Variants in EXOSC7 observed in about 807,000 individuals in gnomAD.
EXOSC7 encodes the protein exosome component 7.
In EXOSC7, 25 loss-of-function variants were observed where a neutral mutation model predicts 34.3. That is an observed-to-expected ratio of 0.73 (90% CI 0.53 to 1.02). The LOEUF (loss-of-function observed/expected upper bound fraction) is 1.02, where lower values mean the gene tolerates loss of function less well. Among genes scored for constraint, EXOSC7 ranks in the 50% least tolerant of loss-of-function variants. The pLI, the probability that EXOSC7 is intolerant of heterozygous loss-of-function variation, is 0.00. For missense variants in EXOSC7, 370 were observed against 368.5 expected (o/e 1.00, Z -0.03); for synonymous variants, 130 against 143.0 (o/e 0.91, Z 0.65).
downstream of EXOSC7, chr3:45,012,296 G>A (rs867655671): frequency 1.8e-4 from 27 of 152,192 alleles, no homozygotes; most frequent in African/African-American, 5.8e-4. Context: ...ATGGGGTAAG[G>A]CGTTAGGAAT....
At chr3:44,976,810 A>G (rs1706055424) in intron 1 of EXOSC7, among the ~76,000 whole-genome samples, 1 of 152,212 alleles carries the variant, frequency 6.6e-6, no homozygotes, top group African/African-American at 2.4e-5. Context: ...GTTTTTAAAA[A>G]GCGGCTAGGA....
At chr3:44,980,774 G>A (rs1017936781) in intron 1 of EXOSC7, among the ~76,000 whole-genome samples, 2 of 152,140 alleles carry the variant, frequency 1.3e-5, no homozygotes, top group South Asian at 2.1e-4. Context: ...AATAGTATAT[G>A]GCATATACTG....
intron 1 of EXOSC7, among the ~76,000 whole-genome samples, chr3:44,979,588 G>GTT (rs529893438): frequency 4.1e-5 from 6 of 146,082 alleles, no homozygotes; most frequent in Admixed American, 6.8e-5. Flanking sequence ...ATCTCTGCTG[G>GTT]TTTTTTTTTT....
rs1200341246 is a variant in EXOSC7, at chr3:45,005,377, G to C, written c.578G>C (p.Ser193Thr). Residue 193 changes from serine to threonine, a missense_variant, in exon 6 of 8, where the codon AGT becomes ACT. By Grantham distance (58) the Ser-to-Thr change is moderately conservative. Around this residue, in one of 3 missense-constraint regions of EXOSC7, gnomAD observed 255 missense variants for 246.4 expected, o/e 1.03. Coordinates refer to ENST00000265564, the MANE Select transcript of EXOSC7 (RefSeq NM_015004.4). ...GACCCTTATGACTGCATACGACTAA[G>C]TGTGGAGAATGTCCCCTGCATTGTC... ...SDDPYDCIRL[S>T]VENVPCIVTL... is the part of the protein sequence containing the mutation. The C allele has an allele frequency of 6.2e-7, 1 of 1,614,182 alleles. No homozygotes were observed. Among genetic ancestry groups the C allele is most frequent in the East Asian group, 2.2e-5 (1 of 44,886 alleles).
intron 4 of EXOSC7, among the ~76,000 whole-genome samples, chr3:44,998,786 A>T (rs1187185615): frequency 6.6e-6 from 1 of 152,166 alleles, no homozygotes; most frequent in Non-Finnish European, 1.5e-5. Context: ...GATAAGTGGG[A>T]TGTACCTTGT....
At chr3:45,009,795 C>G (rs1163127794) in intron 7 of EXOSC7, among the ~76,000 whole-genome samples, 1 of 152,156 alleles carries the variant, frequency 6.6e-6, no homozygotes, top group East Asian at 1.9e-4. Context: ...ATCTGCCTGC[C>G]TCAGCCTCCC....
chr3:45,011,299 G>C lies in EXOSC7; in HGVS notation c.836G>C (p.Ser279Thr), dbSNP rs757197931. 4.3e-6 allele frequency: 7 copies of C among 1,613,302 alleles called. No homozygotes were observed. Among genetic ancestry groups the C allele is most frequent in the Non-Finnish European group, 5.9e-6 (7 of 1,179,740 alleles). ...SLQSVVHKEE[S>T]LGPKRQKVGF... ...CAGAGTGTTGTGCACAAGGAAGAAA[G>C]CCTGGGGCCCAAGAGACAGAAAGTT... Residue 279 changes from serine (S) to threonine (T), a missense_variant, in exon 8 of 8, where the codon AGC becomes ACC. Ser to Thr is a moderately conservative substitution (Grantham distance 58). Around this residue, in one of 3 missense-constraint regions of EXOSC7, gnomAD observed 255 missense variants for 246.4 expected, o/e 1.03. Coordinates refer to ENST00000265564, the MANE Select transcript of EXOSC7 (RefSeq NM_015004.4).
At chr3:44,986,563 G>A (rs917927512) in intron 1 of EXOSC7, among the ~76,000 whole-genome samples, 2 of 152,232 alleles carry the variant, frequency 1.3e-5, no homozygotes, top group Non-Finnish European at 1.5e-5. Flanking sequence ...GCGGCGGGCT[G>A]AAGGGCTCCT....
At chr3:44,991,135 C>T (rs946452605) in intron 3 of EXOSC7, among the ~76,000 whole-genome samples, 2 of 152,230 alleles carry the variant, frequency 1.3e-5, no homozygotes, top group Non-Finnish European at 1.5e-5. Flanking sequence ...TTACTTCATG[C>T]AGCCTATGGA....
rs200824996 is a variant in EXOSC7 at position 45,001,616 on chromosome 3, T to C, written c.491+8T>C. 150 of 1,606,550 alleles carry C rather than the reference T, an allele frequency of 9.3e-5. No individual in the cohort carries two copies. The highest frequency in any genetic ancestry group is 1.2e-4 in the Non-Finnish European group (139 of 1,173,150). On this transcript the variant is annotated splice_region_variant and intron_variant, in intron 5 of 7. Coordinates refer to ENST00000265564, the MANE Select transcript of EXOSC7 (RefSeq NM_015004.4). ...TGCTCTCTTCAATACAAGGTAAGTCTTCCTAGAAACAGCTCTGCGAACCTG... is the reference window on the plus strand; with the variant it reads ...TGCTCTCTTCAATACAAGGTAAGTCCTCCTAGAAACAGCTCTGCGAACCTG...
intron 1 of EXOSC7, among the ~76,000 whole-genome samples, chr3:44,981,908 A>G (rs1706279949): frequency 6.6e-6 from 1 of 152,136 alleles, no homozygotes; most frequent in Non-Finnish European, 1.5e-5. Context: ...AAGAAAAAAG[A>G]GAAGGGGGAT....
chr3:45,005,619 ATGT>A (rs2125972871), intron 6 of EXOSC7, among the ~76,000 whole-genome samples: 1 of 152,344 alleles, frequency 6.6e-6, no homozygotes, highest in South Asian at 2.1e-4. Flanking sequence ...GGAAGATATG[ATGT>A]GGTCCTGGGA....
intron 1 of EXOSC7, among the ~76,000 whole-genome samples, chr3:44,985,174 G>T (rs1385846479): frequency 1.3e-5 from 2 of 152,240 alleles, no homozygotes; most frequent in East Asian, 1.9e-4. Flanking sequence ...GGTTCTATGG[G>T]TGAGGTTGGG....
intron 4 of EXOSC7, among the ~76,000 whole-genome samples, chr3:44,999,342 ATTTGT>A (rs1398156801): frequency 6.6e-6 from 1 of 152,136 alleles, no homozygotes; most frequent in Admixed American, 6.5e-5. Context: ...CTTCTGAAAT[ATTTGT>A]TTTAAGGGTT....
chr3:44,998,044 T>G (rs1706773729), intron 4 of EXOSC7, among the ~76,000 whole-genome samples: 1 of 150,864 alleles, frequency 6.6e-6, no homozygotes, highest in Non-Finnish European at 1.5e-5. Context: ...TTTTTGTTTT[T>G]TTTTTTTTTG....
At chr3:44,991,163 T>C (rs888994132) in intron 3 of EXOSC7, among the ~76,000 whole-genome samples, 2 of 152,232 alleles carry the variant, frequency 1.3e-5, no homozygotes, top group African/African-American at 4.8e-5. Context: ...TTTGGAGGGC[T>C]GCTCTTGGGG....
chr3:45,005,683 C>A (rs1707016353), intron 6 of EXOSC7, among the ~76,000 whole-genome samples: 1 of 152,176 alleles, frequency 6.6e-6, no homozygotes, highest in Non-Finnish European at 1.5e-5. Context: ...AAGCTCCTTC[C>A]ACATACCATG....
At position 44,989,575 on chromosome 3, in the gene EXOSC7, T is replaced by TGAAAGCA; in HGVS notation, c.190_196dup (p.Met66SerfsTer13). ...GGTCACACAGACATCTTGGTGGGAG[T>TGAAAGCA]GAAAGCAGAAATGGGGACGCCGAAG... On this transcript the variant is annotated frameshift_variant, in exon 3 of 8. Transcript: ENST00000265564. LOFTEE classifies it high-confidence loss of function. 1 of 1,613,544 alleles carries TGAAAGCA rather than the reference T, an allele frequency of 6.2e-7. No homozygotes were observed. Among genetic ancestry groups the TGAAAGCA allele is most frequent in the Non-Finnish European group, 8.5e-7 (1 of 1,179,840 alleles).
At position 45,007,553 on chromosome 3, in the gene EXOSC7, A is replaced by C; in HGVS notation, c.749A>C (p.Glu250Ala). Reference sequence around the variant, plus strand: ...GTGGGGAAGGGCAGCCTGGACCCAGAGAGCATCTTCGAGATGATGGAGGTG... The same window carrying C: ...GTGGGGAAGGGCAGCCTGGACCCAGCGAGCATCTTCGAGATGATGGAGGTG... ...RKVGKGSLDP[E>A]SIFEMMETGK... The change falls in exon 7 of 8, where the codon GAG (glutamate) becomes GCG (alanine). Residue 250 changes from glutamate (E) to alanine (A), a missense_variant. By Grantham distance (107) the Glu-to-Ala change is moderately radical. Around this residue, in one of 3 missense-constraint regions of EXOSC7, gnomAD observed 255 missense variants for 246.4 expected, o/e 1.03. Transcript: ENST00000265564. 2 of 1,611,514 alleles carry C rather than the reference A, an allele frequency of 1.2e-6. No homozygotes were observed. Among genetic ancestry groups the C allele is most frequent in the Non-Finnish European group, 1.7e-6 (2 of 1,178,620 alleles).
Sources: gnomAD v4.1 joint callset for allele counts (sites outside exome capture counted in the v4.1 genomes callset) on GRCh38, gnomAD v4.1.1 for gene constraint, gnomAD v4.1.1 regional missense constraint, MANE v1.5 for transcripts, NCBI Gene and HGNC (gene_info 2026-07-23, HGNC 2026-07-21) for gene names.